MYO16: variants seen among roughly 807,000 people sequenced by gnomAD.
MYO16 encodes unconventional myosin-XVI.
In MYO16, 94 loss-of-function variants were observed where a neutral mutation model predicts 205.3. That is an observed-to-expected ratio of 0.46 (90% CI 0.39 to 0.54). MYO16 has a LOEUF of 0.54. Ranked by LOEUF, MYO16 falls within the 20% of genes least tolerant of loss-of-function variation. The probability of loss-of-function intolerance (pLI) is 0.00; values close to 1 mark genes in which losing one functional copy is unlikely to be tolerated. For missense variants in MYO16, 2,315 were observed against 2,387.5 expected (o/e 0.97, Z 0.63); for synonymous variants, 988 against 954.0 (o/e 1.04, Z -0.66).
intron 27 of MYO16, among the ~76,000 whole-genome samples, chr13:109,068,112 G>C (rs1433269175): frequency 6.6e-6 from 1 of 152,104 alleles, no homozygotes; most frequent in African/African-American, 2.4e-5. Flanking sequence ...TCAATATTTT[G>C]AGAGTTGCAA....
chr13:109,021,197 T>G (rs1244558581), intron 23 of MYO16, among the ~76,000 whole-genome samples: 1 of 152,060 alleles, frequency 6.6e-6, no homozygotes, highest in Non-Finnish European at 1.5e-5. Context: ...TAATATAGTT[T>G]GAGAAAATAA....
chr13:108,893,944 A>T (rs1237926910), intron 14 of MYO16, among the ~76,000 whole-genome samples: 1 of 152,242 alleles, frequency 6.6e-6, no homozygotes, highest in Non-Finnish European at 1.5e-5. Flanking sequence ...GTCTGTTCTC[A>T]TACTGCCATA....
At chr13:108,891,214 A>G (rs111974212) in intron 14 of MYO16, among the ~76,000 whole-genome samples, 7 of 152,208 alleles carry the variant, frequency 4.6e-5, no homozygotes, top group African/African-American at 1.7e-4. Context: ...GAGGCTGTAC[A>G]TTTGGCCTGT....
At chr13:109,076,195 CT>C (rs1888097128) in intron 27 of MYO16, among the ~76,000 whole-genome samples, 1 of 152,038 alleles carries the variant, frequency 6.6e-6, no homozygotes, top group Non-Finnish European at 1.5e-5. Context: ...AAAGAAAAAG[CT>C]TTTGATGTAT....
intron 12 of MYO16, among the ~76,000 whole-genome samples, chr13:108,875,611 A>G (rs1879287190): frequency 6.6e-6 from 1 of 152,184 alleles, no homozygotes; most frequent in Non-Finnish European, 1.5e-5. Context: ...TAGACACTCA[A>G]GGCTCATCAC....
intron 16 of MYO16, among the ~76,000 whole-genome samples, chr13:108,916,745 C>G (rs1289547053): frequency 2.0e-5 from 3 of 152,186 alleles, no homozygotes. Context: ...GGAATTGGGT[C>G]AGTGGCTTCC....
chr13:108,972,330 C>CTATA lies in MYO16; in HGVS notation c.2369+7443_2369+7446dup, dbSNP rs1355313392. Among the ~76,000 whole-genome samples the CTATA allele has an allele frequency of 9.6e-3, 63 of 6,578 alleles. 1 individual carries two copies. Among genetic ancestry groups the CTATA allele is most frequent in the African/African-American group, 0.018 (60 of 3,352 alleles). 4.3% of individuals were successfully genotyped at this position (6,578 alleles called of 152,430 possible). ...TGTATGTGTGTATATATATAGCCAT[C>CTATA]TATATATATATATATATAGCCATAT... On this transcript the variant is annotated intron_variant, in intron 20 of 34. Coordinates refer to ENST00000457511, the MANE Select transcript of MYO16 (RefSeq NM_001198950.3).
In MYO16 at chr13:109,125,155, A is replaced by G. The variant is rs157024; in HGVS notation, c.3579A>G (p.Ile1193Met). The change falls in exon 30 of 35, where the codon ATA becomes ATG. Residue 1193 changes from isoleucine (I) to methionine (M), a missense_variant. Around this residue, in one of 3 missense-constraint regions of MYO16, gnomAD observed 1,097 missense variants for 1,092.0 expected, o/e 1.00. Transcript: ENST00000457511. This position sits in a 1 kb window ranked among gnomAD's most constrained non-coding sequence, Gnocchi z 4.0. ...FLARQHLLQRISIRQQEVTSI... is the reference protein window; with the variant it reads ...FLARQHLLQRMSIRQQEVTSI... Reference sequence around the variant, plus strand: ...CACGCCAGCACCTGCTTCAGAGAATAAGCATCAGACAACAAGAGGTGACTT... The same window carrying G: ...CACGCCAGCACCTGCTTCAGAGAATGAGCATCAGACAACAAGAGGTGACTT... 222,769 of 1,613,830 alleles carry G rather than the reference A, an allele frequency of 0.14. 15,884 individuals carry two copies. Among genetic ancestry groups the G allele is most frequent in the Admixed American group, 0.19 (11,693 of 60,000 alleles).
At chr13:108,710,894 T>C (rs1222756395) in intron 2 of MYO16, among the ~76,000 whole-genome samples, 6 of 152,228 alleles carry the variant, frequency 3.9e-5, no homozygotes, top group Admixed American at 2.6e-4. Flanking sequence ...AGTTAATTCA[T>C]GATGGATAAT....
intron 20 of MYO16, among the ~76,000 whole-genome samples, chr13:108,972,067 G>T (rs1326161573): frequency 1.3e-5 from 2 of 149,086 alleles, no homozygotes; most frequent in African/African-American, 2.5e-5. Context: ...AGTTAGCCAG[G>T]TGTGATGGTA....
At chr13:108,961,441 C>T in intron 17 of MYO16, 98 bp from the exon 18 acceptor site, 1 of 931,690 alleles carries the variant, frequency 1.1e-6, no homozygotes, top group South Asian at 1.5e-5. Context: ...TTAATAGGGT[C>T]ATCATTTTTG....
intron 27 of MYO16, among the ~76,000 whole-genome samples, chr13:109,058,617 T>C (rs530834410): frequency 2.6e-4 from 40 of 152,298 alleles, no homozygotes; most frequent in Non-Finnish European, 5.1e-4. Context: ...TCTGAGTCTT[T>C]GGCAAGTCAT....
intron 3 of MYO16, among the ~76,000 whole-genome samples, chr13:108,720,372 AT>A (rs1046254634): frequency 1.3e-5 from 2 of 152,154 alleles, no homozygotes; most frequent in African/African-American, 4.8e-5. Context: ...ATTTAAATTT[AT>A]TTTGCTACTG....
chr13:108,896,193 G>A (rs1420083047), intron 14 of MYO16, among the ~76,000 whole-genome samples: 1 of 151,876 alleles, frequency 6.6e-6, no homozygotes. Flanking sequence ...ATAACTAGAA[G>A]CAAAATATTT....
At chr13:108,814,281 A>G (rs9514923) in intron 7 of MYO16, among the ~76,000 whole-genome samples, 130,631 of 152,152 alleles carry the variant, frequency 0.86, 59,495 homozygotes, top group Non-Finnish European at 1. Context: ...CATTATTGCC[A>G]TTCTTTCAAA....
chr13:108,699,375 T>C (rs1883213413), intron 2 of MYO16, among the ~76,000 whole-genome samples: 1 of 152,262 alleles, frequency 6.6e-6, no homozygotes, highest in Admixed American at 6.6e-5. Context: ...TTAGTAGTTA[T>C]GTCAGTTCTT....
chr13:108,585,449 T>C, the MYO16 span, among the ~76,000 whole-genome samples: 1 of 152,176 alleles, frequency 6.6e-6, no homozygotes, highest in Non-Finnish European at 1.5e-5. Context: ...AACCAAGTTT[T>C]ATTGTGCAGA....
At chr13:108,871,171 C>A (rs1879035263) in intron 12 of MYO16, among the ~76,000 whole-genome samples, 1 of 151,894 alleles carries the variant, frequency 6.6e-6, no homozygotes, top group South Asian at 2.1e-4. Context: ...TGATTTTTTT[C>A]AATGCTAACA....
intron 28 of MYO16, 144 bp downstream of exon 28, chr13:109,101,031 T>C (rs1888948513): frequency 1.6e-6 from 1 of 640,382 alleles, no homozygotes; most frequent in East Asian, 2.8e-5. Context: ...GTGTATTCCC[T>C]GGAAATTTGT....
Sources: allele counts gnomAD v4.1 joint callset (sites outside exome capture counted in the v4.1 genomes callset), GRCh38; gene constraint gnomAD v4.1.1; regional missense constraint gnomAD v4.1.1; non-coding constraint Gnocchi (gnomAD v3.1); transcripts MANE v1.5; gene names NCBI Gene and HGNC (gene_info 2026-07-23, HGNC 2026-07-21).